The following RLBP1 variants were observed in gnomAD, a reference collection of about 807,000 sequenced individuals.
The protein encoded by RLBP1 is retinaldehyde binding protein 1.
In RLBP1, 26 loss-of-function variants were observed where a neutral mutation model predicts 36.2. The observed-to-expected ratio is 0.72, with a 90% CI of 0.53 to 1.00. The LOEUF is 1.00. Among genes scored for constraint, RLBP1 ranks in the 50% least tolerant of loss-of-function variants. The probability of loss-of-function intolerance (pLI) is 0.00; values close to 1 mark genes in which losing one functional copy is unlikely to be tolerated. For synonymous variants in RLBP1, 155 were observed against 156.2 expected (o/e 0.99, Z 0.06); for missense variants, 410 against 402.4 (o/e 1.02, Z -0.16).
chr15:89,218,565 C>T lies in RLBP1; in HGVS notation c.141G>A (p.Lys47=), dbSNP rs766278489. Residue 47 remains lysine, a splice_region_variant and synonymous_variant, in exon 4 of 9, where the codon AAG becomes AAA. Coordinates refer to ENST00000268125, the MANE Select transcript of RLBP1 (RefSeq NM_000326.5). The surrounding 1 kb of genome is among the most constrained non-coding windows in gnomAD (Gnocchi z 4.6). ...CSQLPRHTLQ[K]AKDELNEREE... is the part of the protein sequence containing the mutation. ...CTCTCCGCACTGTCAGCCACCTCAC[C>T]TTCTGCAAGGTGTGGCGGGGCAGCT... is the stretch of plus-strand genomic sequence containing the variant. 8.7e-6 allele frequency: 14 copies of T among 1,614,242 alleles called. No individual in the cohort carries two copies. The highest frequency in any genetic ancestry group is 1.1e-5 in the South Asian group (1 of 91,080).
chr15:89,215,256 G>T lies in RLBP1; in HGVS notation c.347-18C>A. ...CACATAGCCTGGAGGAAGGAGAGCA[G>T]AGGAACCCCCTCAGGGAGCCATCCC... On this transcript the variant is annotated intron_variant, in intron 5 of 8. Coordinates refer to ENST00000268125, the MANE Select transcript of RLBP1 (RefSeq NM_000326.5). 6.2e-7 allele frequency: 1 copy of T among 1,613,894 alleles called. No individual in the cohort carries two copies. The highest frequency in any genetic ancestry group is 1.1e-5 in the South Asian group (1 of 91,056).
Position 89,218,690 on chromosome 15 carries a change from C to T in RLBP1, c.16G>A (p.Gly6Ser). 6.2e-7 allele frequency: 1 copy of T among 1,614,106 alleles called. No homozygotes were observed. The highest frequency in any genetic ancestry group is 1.3e-5 in the African/African-American group (1 of 75,058). Residue 6 changes from glycine (G) to serine (S), a missense_variant, in exon 4 of 9, where the codon GGC becomes AGC. By Grantham distance (56) the Gly-to-Ser change is moderately conservative. Transcript: ENST00000268125. The surrounding 1 kb of genome is among the most constrained non-coding windows in gnomAD (Gnocchi z 4.6). The stretch of plus-strand genomic sequence containing the variant: ...TCTTCAGGTACCATGCGGAACGTGC[C>T]CACCTGGGCAGAGAAAGGAAAAAGA... MSEGVGTFRMVPEEEQ... is the reference protein window; with the variant it reads MSEGVSTFRMVPEEEQ...
chr15:89,215,311 C>CCT, intron 5 of RLBP1, 73 bp from the exon 6 acceptor site: 2 of 1,500,920 alleles, frequency 1.3e-6, no homozygotes, highest in Non-Finnish European at 1.8e-6. Context: ...TAGTGGGACT[C>CCT]AGAGACCTGA....
rs980959808 is a variant in RLBP1 at position 89,211,159 on chromosome 15, C to A, written c.685-350G>T. Among the ~76,000 whole-genome samples the A allele has an allele frequency of 1.3e-5, 2 of 152,198 alleles. No individual in the cohort carries two copies. Among genetic ancestry groups the A allele is most frequent in the African/African-American group, 4.8e-5 (2 of 41,444 alleles). On this transcript the variant is annotated intron_variant, in intron 7 of 8. Coordinates refer to ENST00000268125, the MANE Select transcript of RLBP1 (RefSeq NM_000326.5). This position sits in a 1 kb window ranked among gnomAD's most constrained non-coding sequence, Gnocchi z 5.8. ...CTGCCGAAGGGACTGCAAACTATTA[C>A]AAACGACAGGAACAGTATTATCATC...
chr15:89,216,397 A>G (rs2051580303), intron 5 of RLBP1, among the ~76,000 whole-genome samples: 1 of 151,208 alleles, frequency 6.6e-6, no homozygotes, highest in Non-Finnish European at 1.5e-5. Context: ...ATCTCAGCTC[A>G]CCGCAACCTC....
At chr15:89,212,232 T>C (rs1225586581) in intron 6 of RLBP1, among the ~76,000 whole-genome samples, 1 of 152,174 alleles carries the variant, frequency 6.6e-6, no homozygotes, top group Non-Finnish European at 1.5e-5. Context: ...AGAAGACTAA[T>C]AATACAGGAA....
Position 89,210,080 on chromosome 15 carries a change from C to T in RLBP1, c.*205G>A. On this transcript the variant is annotated 3_prime_UTR_variant, in exon 9 of 9. Coordinates refer to ENST00000268125, the MANE Select transcript of RLBP1 (RefSeq NM_000326.5). The surrounding 1 kb of genome is among the most constrained non-coding windows in gnomAD (Gnocchi z 4.7). Reference sequence around the variant, plus strand: ...GGGCAGGTGGAAATATAACTATCCCCAGTTCTTCTTGTTCAAGGGAATTCC... The same window carrying T: ...GGGCAGGTGGAAATATAACTATCCCTAGTTCTTCTTGTTCAAGGGAATTCC... The T allele has an allele frequency of 3.3e-6, 2 of 608,566 alleles. No individual in the cohort carries two copies. Among genetic ancestry groups the T allele is most frequent in the South Asian group, 3.9e-5 (2 of 51,876 alleles). The allele number at this position is 608,566 out of a possible 1,614,324, so 37.7% of individuals were successfully genotyped here.
In RLBP1 at chr15:89,217,165, G is replaced by C; in HGVS notation, c.301C>G (p.Arg101Gly). ...KDSGFFLRFI[R>G]ARKFNVGRAY... ...CGGCCCACGTTGAACTTCCGTGCGC[G>C]GATGAAGCGCAGGAAGAAGCCGCTG... The change falls in exon 5 of 9, where the codon CGC (arginine) becomes GGC (glycine). Residue 101 changes from arginine (R) to glycine (G), a missense_variant. Transcript: ENST00000268125. 6.2e-7 allele frequency: 1 copy of C among 1,614,010 alleles called. No individual in the cohort carries two copies. Among genetic ancestry groups the C allele is most frequent in the Non-Finnish European group, 8.5e-7 (1 of 1,180,032 alleles).
In RLBP1 at chr15:89,210,676, G is replaced by A; in HGVS notation, c.795+23C>T. 1 of 1,520,834 alleles carries A rather than the reference G, an allele frequency of 6.6e-7. No individual in the cohort carries two copies. The highest frequency in any genetic ancestry group is 9.0e-7 in the Non-Finnish European group (1 of 1,110,544). 94.2% of individuals were successfully genotyped at this position (1,520,834 alleles called of 1,614,324 possible). A position where few individuals can be genotyped will look rare whatever the true frequency, so the allele number is the denominator to read the frequency against. On this transcript the variant is annotated intron_variant, in intron 8 of 8. Coordinates refer to ENST00000268125, the MANE Select transcript of RLBP1 (RefSeq NM_000326.5). This position sits in a 1 kb window ranked among gnomAD's most constrained non-coding sequence, Gnocchi z 4.7. ...CCACCCTCAGCCCTCTTGTCTCATT[G>A]TCTGGGCGGCCCACGTACTCACCCT...
At position 89,214,572 on chromosome 15, in the gene RLBP1, A is replaced by T. The variant is rs1443495610; in HGVS notation, c.525+488T>A. On this transcript the variant is annotated intron_variant, in intron 6 of 8. Transcript: ENST00000268125. This position sits in a 1 kb window ranked among gnomAD's most constrained non-coding sequence, Gnocchi z 4.6. Reference sequence around the variant, plus strand: ...CAAAGTTCTCCCAAGACAAACCCTAATTCCCCAACTTGGGGCAGCCCCCTT... The same window carrying T: ...CAAAGTTCTCCCAAGACAAACCCTATTTCCCCAACTTGGGGCAGCCCCCTT... Among the ~76,000 whole-genome samples, 1 of 152,200 alleles carries T rather than the reference A, an allele frequency of 6.6e-6. No homozygotes were observed. Among genetic ancestry groups the T allele is most frequent in the African/African-American group, 2.4e-5 (1 of 41,442 alleles).
chr15:89,212,048 A>G (rs2051542914), intron 6 of RLBP1, 147 bp from the exon 7 acceptor site: 1 of 842,964 alleles, frequency 1.2e-6, no homozygotes, highest in Non-Finnish European at 1.9e-6. Context: ...CTGTGAATGT[A>G]TACCAAGAAA....
At chr15:89,212,673 A>G in intron 6 of RLBP1, among the ~76,000 whole-genome samples, 1 of 150,904 alleles carries the variant, frequency 6.6e-6, no homozygotes, top group East Asian at 1.9e-4. Context: ...AAAAGATTGG[A>G]AGGATGTCAA....
chr15:89,212,248 G>C (rs144359984), intron 6 of RLBP1, among the ~76,000 whole-genome samples: 1 of 152,310 alleles, frequency 6.6e-6, no homozygotes, highest in African/African-American at 2.4e-5. Flanking sequence ...AGGAAAATGT[G>C]CATGATATAT....
intron 5 of RLBP1, among the ~76,000 whole-genome samples, chr15:89,216,477 C>T (rs1391700653): frequency 6.6e-6 from 1 of 152,226 alleles, no homozygotes; most frequent in East Asian, 1.9e-4. Flanking sequence ...CATGCGCCAC[C>T]ACGCCCGGCT....
rs1008036194 is a variant in RLBP1 at position 89,211,023 on chromosome 15, A to T, written c.685-214T>A. 6.6e-6 allele frequency among the ~76,000 whole-genome samples: 1 copy of T among 152,176 alleles called. No individual in the cohort carries two copies. The highest frequency in any genetic ancestry group is 1.5e-5 in the Non-Finnish European group (1 of 68,036). ...CAGACTGCACGGAGGAAGCCCCAAG[A>T]TTCATAAGACCCAACCCTCTCCCTG... On this transcript the variant is annotated intron_variant, in intron 7 of 8. Coordinates refer to ENST00000268125, the MANE Select transcript of RLBP1 (RefSeq NM_000326.5). The surrounding 1 kb of genome is among the most constrained non-coding windows in gnomAD (Gnocchi z 5.8).
chr15:89,217,999 C>A (rs957818852), intron 4 of RLBP1, among the ~76,000 whole-genome samples: 4 of 152,112 alleles, frequency 2.6e-5, no homozygotes, highest in African/African-American at 4.8e-5. Context: ...CCTTGAGATG[C>A]CCAAGGAAGC....
rs1596181105 is a variant in RLBP1 at position 89,211,640 on chromosome 15, T to C, written c.684+103A>G. On this transcript the variant is annotated intron_variant, in intron 7 of 8. Coordinates refer to ENST00000268125, the MANE Select transcript of RLBP1 (RefSeq NM_000326.5). The surrounding 1 kb of genome is among the most constrained non-coding windows in gnomAD (Gnocchi z 5.8). Reference sequence around the variant, plus strand: ...TGTCACTGCTCTTTATGGCGCGAGGTGGTCCAACTTCTCAGTTCCCTGCAA... The same window carrying C: ...TGTCACTGCTCTTTATGGCGCGAGGCGGTCCAACTTCTCAGTTCCCTGCAA... The C allele has an allele frequency of 8.3e-7, 1 of 1,209,952 alleles. No homozygotes were observed. Among genetic ancestry groups the C allele is most frequent in the Non-Finnish European group, 1.2e-6 (1 of 834,204 alleles). 75.0% of individuals were successfully genotyped at this position (1,209,952 alleles called of 1,614,324 possible). A position where few individuals can be genotyped will look rare whatever the true frequency, so the allele number is the denominator to read the frequency against.
At chr15:89,212,455 G>A (rs1389127086) in intron 6 of RLBP1, among the ~76,000 whole-genome samples, 2 of 151,694 alleles carry the variant, frequency 1.3e-5, no homozygotes, top group African/African-American at 4.8e-5. Flanking sequence ...ATGGTGGCAG[G>A]CACCTGTAAT....
At chr15:89,212,217 A>C (rs979171) in intron 6 of RLBP1, among the ~76,000 whole-genome samples, 56,429 of 152,132 alleles carry the variant, frequency 0.37, 11,110 homozygotes, top group East Asian at 0.67. Flanking sequence ...AATTAAAAAC[A>C]ATACAGAAGA....
Sources: gnomAD v4.1 joint callset for allele counts (sites outside exome capture counted in the v4.1 genomes callset) on GRCh38, gnomAD v4.1.1 for gene constraint, Gnocchi (gnomAD v3.1) non-coding constraint, MANE v1.5 for transcripts, NCBI Gene and HGNC (gene_info 2026-07-23, HGNC 2026-07-21) for gene names.